The following NFIB variants were observed in gnomAD, a reference collection of about 807,000 sequenced individuals.
NFIB encodes nuclear factor 1 B-type.
NFIB carries 11 observed loss-of-function variants against 61.5 expected under a neutral mutation model. The observed-to-expected ratio is 0.18, with a 90% confidence interval of 0.11 to 0.30. The LOEUF (loss-of-function observed/expected upper bound fraction) is 0.30. NFIB is among the 10% of genes least tolerant of loss of function. The pLI, the probability that NFIB is intolerant of heterozygous loss-of-function variation, is 1.00. For missense variants in NFIB, 471 were observed against 608.9 expected, an observed-to-expected ratio of 0.77 and a Z score of 2.38; for synonymous variants, 260 against 216.5, an observed-to-expected ratio of 1.20 and a Z score of -1.76.
Position 14,085,255 on chromosome 9 carries a change from T to C in NFIB, c.*3054A>G, listed in dbSNP as rs137911596. On this transcript the variant is annotated 3_prime_UTR_variant, in exon 11 of 11. Coordinates refer to ENST00000380953, the MANE Select transcript of NFIB (RefSeq NM_001190737.2). ...ATTAAATGATATGCTGTGAGAACAA[T>C]TGACAGTTTATTTTATTAGGCCATG... 2.1e-3 allele frequency: 484 copies of C among 227,162 alleles called. 2 individuals carry two copies. Among genetic ancestry groups the C allele is most frequent in the African/African-American group, 9.4e-3 (422 of 45,112 alleles). 14.1% of individuals were successfully genotyped at this position (227,162 alleles called of 1,614,324 possible).
chr9:14,477,370 T>C, the NFIB span, among the ~76,000 whole-genome samples: 1 of 152,248 alleles, frequency 6.6e-6, no homozygotes, highest in Non-Finnish European at 1.5e-5. Flanking sequence ...TTTCTGGGTA[T>C]ATATAAGTGA....
chr9:14,354,080 T>C (rs2061147703), intron 1 of NFIB, among the ~76,000 whole-genome samples: 1 of 152,120 alleles, frequency 6.6e-6, no homozygotes, highest in Non-Finnish European at 1.5e-5. Context: ...AACTCTAATG[T>C]TGATTGGGAT....
chr9:14,454,933 A>C, the NFIB span, among the ~76,000 whole-genome samples: 6 of 152,348 alleles, frequency 3.9e-5, no homozygotes, highest in African/African-American at 1.4e-4. Flanking sequence ...TCGAACCTGG[A>C]ATGAATTGAA....
intron 1 of NFIB, among the ~76,000 whole-genome samples, chr9:14,369,637 A>G (rs974079284): frequency 1.3e-5 from 2 of 152,122 alleles, no homozygotes; most frequent in Non-Finnish European, 2.9e-5. Context: ...GCATTTCCAT[A>G]TATCTGGCAC....
At chr9:14,394,610 G>A (rs1032742682) in intron 1 of NFIB, among the ~76,000 whole-genome samples, 3 of 152,184 alleles carry the variant, frequency 2.0e-5, no homozygotes, top group Non-Finnish European at 2.9e-5. Context: ...ACCTGGCCCT[G>A]CCCTTAACAA....
At chr9:14,315,921 C>T (rs923004248), upstream of NFIB, among the ~76,000 whole-genome samples, 8 of 152,020 alleles carry the variant, frequency 5.3e-5, no homozygotes, top group Non-Finnish European at 8.8e-5. Flanking sequence ...GGCCCATCCC[C>T]AGGGCGGGGC....
chr9:14,408,240 G>C, the NFIB span, among the ~76,000 whole-genome samples: 1 of 152,254 alleles, frequency 6.6e-6, no homozygotes, highest in South Asian at 2.1e-4. Context: ...ATCATTAAGA[G>C]TCTAAGTTTA....
chr9:14,144,661 C>T (rs2042100149), intron 6 of NFIB, among the ~76,000 whole-genome samples: 1 of 152,150 alleles, frequency 6.6e-6, no homozygotes, highest in African/African-American at 2.4e-5. Flanking sequence ...ATTTAGACAA[C>T]TAATCCCATA....
At chr9:14,409,436 T>C in the NFIB span, among the ~76,000 whole-genome samples, 2 of 152,234 alleles carry the variant, frequency 1.3e-5, no homozygotes, top group Admixed American at 1.3e-4. Context: ...CACGGCTGGA[T>C]TGCAGTTCTA....
chr9:14,157,729 G>C (rs77518677), intron 3 of NFIB, among the ~76,000 whole-genome samples: 2,809 of 152,166 alleles, frequency 0.018, 75 homozygotes, highest in African/African-American at 0.063. Context: ...GAGATGTTTT[G>C]ACTCTTCTGG....
intron 1 of NFIB, among the ~76,000 whole-genome samples, chr9:14,385,026 G>A (rs1221761425): frequency 6.6e-6 from 1 of 152,180 alleles, no homozygotes; most frequent in East Asian, 1.9e-4. Flanking sequence ...TGATTTGTCT[G>A]TATCAAATAT....
the NFIB span, among the ~76,000 whole-genome samples, chr9:14,457,468 C>A: frequency 2.0e-5 from 3 of 151,794 alleles, no homozygotes; most frequent in African/African-American, 7.3e-5. Flanking sequence ...GAAGCGAGAG[C>A]AAACACATTC....
intron 10 of NFIB, among the ~76,000 whole-genome samples, chr9:14,111,116 T>C (rs2037297261): frequency 6.6e-6 from 1 of 152,148 alleles, no homozygotes; most frequent in Admixed American, 6.5e-5. Flanking sequence ...TCTTCTTTGA[T>C]TTTAAAATAG....
chr9:14,344,098 GAGAGAGAGAA>G (rs1169445379), intron 1 of NFIB, among the ~76,000 whole-genome samples: 1 of 139,820 alleles, frequency 7.2e-6, no homozygotes, highest in African/African-American at 3.1e-5. Flanking sequence ...GAGAGGGAGA[GAGAGAGAGAA>G]AGAGAGAGAG....
At chr9:14,155,736 G>T in intron 4 of NFIB, 89 bp downstream of exon 4, 1 of 644,436 alleles carries the variant, frequency 1.6e-6, no homozygotes, top group Non-Finnish European at 2.5e-6. Context: ...CTAATATGTG[G>T]TCACTCTTTA....
At chr9:14,364,344 C>T (rs1489400789) in intron 1 of NFIB, among the ~76,000 whole-genome samples, 1 of 152,282 alleles carries the variant, frequency 6.6e-6, no homozygotes, top group African/African-American at 2.4e-5. Flanking sequence ...AAAAGTCTCT[C>T]CCTTTCCTTG....
intron 3 of NFIB, among the ~76,000 whole-genome samples, chr9:14,162,736 C>T (rs2044343791): frequency 6.6e-6 from 1 of 152,022 alleles, no homozygotes; most frequent in Admixed American, 6.6e-5. Context: ...TCTTAGATAA[C>T]TCTGAATCGT....
intron 2 of NFIB, among the ~76,000 whole-genome samples, chr9:14,207,651 A>G (rs897824911): frequency 4.6e-5 from 7 of 152,060 alleles, no homozygotes; most frequent in African/African-American, 1.7e-4. Flanking sequence ...ATCTCCCACC[A>G]AAGTCCTGAA....
intron 6 of NFIB, among the ~76,000 whole-genome samples, chr9:14,140,529 T>A (rs1235790740): frequency 2.0e-5 from 3 of 152,244 alleles, no homozygotes; most frequent in East Asian, 1.9e-4. Context: ...TTCTGCATAT[T>A]CATTTATGAA....
Sources: gnomAD v4.1 joint callset for allele counts (sites outside exome capture counted in the v4.1 genomes callset) on GRCh38, gnomAD v4.1.1 for gene constraint, MANE v1.5 for transcripts, NCBI Gene and HGNC (gene_info 2026-07-23, HGNC 2026-07-21) for gene names.